Variants in WWOX observed in about 807,000 individuals in gnomAD.
The protein encoded by WWOX is WW domain containing oxidoreductase.
Under a neutral mutation model 46.2 loss-of-function variants are expected in WWOX, and 69 were observed. That is an observed-to-expected ratio of 1.49 (90% CI 1.23 to 1.82). WWOX has a LOEUF of 1.82. Ranked by LOEUF, WWOX falls within the 40% of genes most tolerant of loss-of-function variation. The pLI is 0.00. For missense variants in WWOX, 919 were observed against 542.6 expected (o/e 1.69, Z -6.89); for synonymous variants, 359 against 202.6 (o/e 1.77, Z -6.56).
chr16:78,804,095 C>T (rs892059809), intron 8 of WWOX, among the ~76,000 whole-genome samples: 2 of 152,102 alleles, frequency 1.3e-5, no homozygotes, highest in African/African-American at 2.4e-5. Context: ...AGTTTGACCC[C>T]GCCGCAGTGG....
At chr16:78,781,620 T>A (rs1467278715) in intron 8 of WWOX, among the ~76,000 whole-genome samples, 2 of 152,158 alleles carry the variant, frequency 1.3e-5, no homozygotes, top group Admixed American at 6.5e-5. Context: ...ATTCAGTGTT[T>A]TACAAAGACA....
chr16:78,718,560 G>A (rs1278882504), intron 8 of WWOX, among the ~76,000 whole-genome samples: 2 of 151,988 alleles, frequency 1.3e-5, no homozygotes, highest in Non-Finnish European at 2.9e-5. Flanking sequence ...AATACACTGA[G>A]CCAAGCATGG....
intron 5 of WWOX, among the ~76,000 whole-genome samples, chr16:78,215,279 G>A (rs1229579643): frequency 1.3e-5 from 2 of 152,144 alleles, no homozygotes; most frequent in African/African-American, 4.8e-5. Flanking sequence ...TGATTGGTAT[G>A]GTTTGGCTGT....
At chr16:78,521,248 G>C (rs1469120231) in intron 8 of WWOX, among the ~76,000 whole-genome samples, 2 of 152,134 alleles carry the variant, frequency 1.3e-5, no homozygotes, top group East Asian at 3.8e-4. Flanking sequence ...TTAGAGACGG[G>C]ATCTTGCTGT....
intron 8 of WWOX, among the ~76,000 whole-genome samples, chr16:78,532,059 G>A (rs1170673086): frequency 1.3e-5 from 2 of 151,134 alleles, no homozygotes; most frequent in African/African-American, 4.9e-5. Flanking sequence ...TGGGGGAGTA[G>A]GGAGTTTTTT....
At chr16:78,278,792 A>G (rs2079626901) in intron 5 of WWOX, 2 of 799,782 alleles carry the variant, frequency 2.5e-6, no homozygotes, top group African/African-American at 1.7e-5. Context: ...AACAACATCT[A>G]TTATATGATT....
intron 8 of WWOX, among the ~76,000 whole-genome samples, chr16:78,542,504 A>G (rs903432525): frequency 2.0e-5 from 3 of 152,142 alleles, no homozygotes; most frequent in Admixed American, 6.5e-5. Context: ...AGAGCAAACC[A>G]CATTGCTTAC....
chr16:78,401,343 A>G (rs1217336207), intron 6 of WWOX, among the ~76,000 whole-genome samples: 1 of 152,242 alleles, frequency 6.6e-6, no homozygotes, highest in Non-Finnish European at 1.5e-5. Flanking sequence ...TATTTCTTAA[A>G]GTAGCTAAAA....
At chr16:78,774,165 G>C (rs1053361947) in intron 8 of WWOX, among the ~76,000 whole-genome samples, 2 of 152,136 alleles carry the variant, frequency 1.3e-5, no homozygotes, top group Admixed American at 1.3e-4. Flanking sequence ...TACTTTGGGA[G>C]GCCAAGGCAG....
intron 8 of WWOX, among the ~76,000 whole-genome samples, chr16:79,095,665 C>T (rs887701839): frequency 6.6e-6 from 1 of 152,258 alleles, no homozygotes; most frequent in Admixed American, 6.5e-5. Flanking sequence ...GGTTTTTCAA[C>T]ATGGAACCAT....
At chr16:78,395,291 G>A (rs138498662) in intron 6 of WWOX, among the ~76,000 whole-genome samples, 19 of 152,322 alleles carry the variant, frequency 1.2e-4, no homozygotes, top group African/African-American at 4.1e-4. Context: ...GGCCAAGGCA[G>A]GCAGGTTGCT....
Position 78,613,040 on chromosome 16 carries a change from G to A in WWOX, c.1056+180288G>A, listed in dbSNP as rs184610717. 1.4e-3 allele frequency among the ~76,000 whole-genome samples: 217 copies of A among 152,180 alleles called. 1 individual carries two copies. The highest frequency in any genetic ancestry group is 4.4e-3 in the Admixed American group (68 of 15,286). On this transcript the variant is annotated intron_variant, in intron 8 of 8. Coordinates refer to ENST00000566780, the MANE Select transcript of WWOX (RefSeq NM_016373.4). ...CTCAGTACTTCTGGGTTCCCCAAGA[G>A]GTGCCTCTTGAGAGTTTGTAGGAAA...
At chr16:78,326,196 G>C (rs2080609561) in intron 5 of WWOX, among the ~76,000 whole-genome samples, 1 of 152,198 alleles carries the variant, frequency 6.6e-6, no homozygotes, top group South Asian at 2.1e-4. Flanking sequence ...CACACAGCTA[G>C]ATCACAGTGG....
intron 8 of WWOX, among the ~76,000 whole-genome samples, chr16:78,936,613 A>G (rs1220773848): frequency 6.6e-6 from 1 of 152,128 alleles, no homozygotes; most frequent in Non-Finnish European, 1.5e-5. Context: ...GGCAAGGTCC[A>G]CAGGCTGGAT....
chr16:79,036,382 T>TTA (rs2047866680), intron 8 of WWOX, among the ~76,000 whole-genome samples: 1 of 152,238 alleles, frequency 6.6e-6, no homozygotes, highest in South Asian at 2.1e-4. Flanking sequence ...CTTTGTAATT[T>TTA]AAGTCCCATT....
At chr16:78,741,967 C>T (rs918168255) in intron 8 of WWOX, among the ~76,000 whole-genome samples, 2 of 152,154 alleles carry the variant, frequency 1.3e-5, no homozygotes, top group African/African-American at 4.8e-5. Flanking sequence ...TGGACATTAT[C>T]TCTGTCTCTC....
rs560809144 is a variant in WWOX at position 78,864,110 on chromosome 16, A to G, written c.1057-347498A>G. ...CTATTTCCAGTTCTTAGGGATATGT[A>G]TTTATATCAAGCCAAACTACCTACC... On this transcript the variant is annotated intron_variant, in intron 8 of 8. Transcript: ENST00000566780. Among the ~76,000 whole-genome samples the G allele has an allele frequency of 3.3e-5, 5 of 152,280 alleles. No individual in the cohort carries two copies. The South Asian group carries it at 6.2e-4, about 19-fold the overall frequency.
chr16:78,789,820 TG>T (rs2050548984), intron 8 of WWOX, among the ~76,000 whole-genome samples: 1 of 152,146 alleles, frequency 6.6e-6, no homozygotes, highest in African/African-American at 2.4e-5. Context: ...CCCCTCCAGC[TG>T]TAGGGGATAT....
At chr16:79,105,687 G>C (rs2150642631) in intron 8 of WWOX, among the ~76,000 whole-genome samples, 1 of 149,948 alleles carries the variant, frequency 6.7e-6, no homozygotes, top group Admixed American at 6.7e-5. Flanking sequence ...TTGCGAGACA[G>C]GGTCTCACTC....
Sources: gnomAD v4.1 joint callset for allele counts (sites outside exome capture counted in the v4.1 genomes callset) on GRCh38, gnomAD v4.1.1 for gene constraint, MANE v1.5 for transcripts, NCBI Gene and HGNC (gene_info 2026-07-23, HGNC 2026-07-21) for gene names.